PTPRQ: variants seen among roughly 807,000 people sequenced by gnomAD.
The protein encoded by PTPRQ is protein tyrosine phosphatase receptor type Q.
PTPRQ carries 199 observed loss-of-function variants against 246.0 expected under a neutral mutation model. That is an observed-to-expected ratio of 0.81 (90% CI 0.72 to 0.91). PTPRQ has a LOEUF of 0.91. Ranked by LOEUF, PTPRQ falls within the 40% of genes least tolerant of loss-of-function variation. The pLI is 0.00. For missense variants in PTPRQ, 2,624 were observed against 2,528.4 expected, an observed-to-expected ratio of 1.04 and a Z score of -0.81; for synonymous variants, 869 against 853.2, an observed-to-expected ratio of 1.02 and a Z score of -0.32.
rs1239958128 is a variant in PTPRQ, at chr12:80,472,087, A to G, written c.1040-18A>G. 6 of 1,550,830 alleles carry G rather than the reference A, an allele frequency of 3.9e-6. No individual in the cohort carries two copies. The highest frequency in any genetic ancestry group is 5.2e-6 in the Non-Finnish European group (6 of 1,146,728). On this transcript the variant is annotated intron_variant, in intron 7 of 44. Coordinates refer to ENST00000644991, the MANE Select transcript of PTPRQ (RefSeq NM_001145026.2). ...GCTTGATAAAAAATAATCCATAGCT[A>G]TCTTCCACTTTTTGCAGGTCGCATT...
chr12:80,663,487 C>T (rs1307274014), intron 39 of PTPRQ, among the ~76,000 whole-genome samples: 2 of 151,850 alleles, frequency 1.3e-5, no homozygotes, highest in African/African-American at 4.8e-5. Flanking sequence ...TATCCCTCTG[C>T]CCTAAAATTG....
At chr12:80,637,469 T>C (rs946681600) in intron 35 of PTPRQ, among the ~76,000 whole-genome samples, 4 of 152,248 alleles carry the variant, frequency 2.6e-5, no homozygotes, top group Non-Finnish European at 5.9e-5. Flanking sequence ...CCCATGATAA[T>C]AGCAAAATTG....
At chr12:80,598,388 G>A (rs1304481538) in intron 26 of PTPRQ, among the ~76,000 whole-genome samples, 1 of 151,982 alleles carries the variant, frequency 6.6e-6, no homozygotes, top group African/African-American at 2.4e-5. Flanking sequence ...GTTTTAACCA[G>A]TGGACAGGAA....
In PTPRQ at chr12:80,542,171, G is replaced by A. The variant is rs927134968; in HGVS notation, c.3528G>A (p.Lys1176=). 6 of 1,550,910 alleles carry A rather than the reference G, an allele frequency of 3.9e-6. No individual in the cohort carries two copies. The highest frequency in any genetic ancestry group is 4.4e-6 in the Non-Finnish European group (5 of 1,146,608). The stretch of plus-strand genomic sequence containing the variant: ...TCTTATCATGGGATCCCCCAGTAAA[G>A]CCAAATGGTGCAATAATAAGTTATG... ...SVLLSWDPPV[K]PNGAIISYDL... is the part of the protein sequence containing the mutation. Residue 1176 remains lysine, a synonymous_variant, in exon 22 of 45, where the codon AAG becomes AAA. Coordinates refer to ENST00000644991, the MANE Select transcript of PTPRQ (RefSeq NM_001145026.2).
In PTPRQ at chr12:80,472,107, C is replaced by G. The variant is rs112718610; in HGVS notation, c.1042C>G (p.Arg348Gly). ...TAGCTATCTTCCACTTTTTGCAGGT[C>G]GCATTTTGGATAACAGCACAAAAGA... is the stretch of plus-strand genomic sequence containing the variant. Reference protein sequence around the residue: ...YRVELYGPSGRILDNSTKDLK... With the variant: ...YRVELYGPSGGILDNSTKDLK... Residue 348 changes from arginine to glycine, a missense_variant and splice_region_variant, in exon 8 of 45, where the codon CGC becomes GGC. Arg to Gly is a moderately radical substitution (Grantham distance 125). Transcript: ENST00000644991. The G allele has an allele frequency of 6.5e-7, 1 of 1,549,726 alleles. No homozygotes were observed. Among genetic ancestry groups the G allele is most frequent in the Non-Finnish European group, 8.7e-7 (1 of 1,146,464 alleles).
intron 1 of PTPRQ, 100 bp from the exon 2 acceptor site, chr12:80,444,641 T>C (rs949838062): frequency 1.2e-5 from 10 of 841,754 alleles, no homozygotes; most frequent in African/African-American, 1.0e-4. Context: ...TGCAGAGTTA[T>C]ATAGTGAAGA....
At chr12:80,621,358 CAAAT>C (rs1486238260) in intron 32 of PTPRQ, among the ~76,000 whole-genome samples, 1 of 151,828 alleles carries the variant, frequency 6.6e-6, no homozygotes, top group Non-Finnish European at 1.5e-5. Context: ...CTTCATATAA[CAAAT>C]AAAATCATAA....
chr12:80,552,632 T>TA (rs67006550), intron 25 of PTPRQ, among the ~76,000 whole-genome samples: 1 of 88,462 alleles, frequency 1.1e-5, no homozygotes, highest in African/African-American at 4.4e-5. Flanking sequence ...CAGGTCTTTG[T>TA]AAAAAAAAAA....
At chr12:80,651,396 C>G (rs949561811) in intron 37 of PTPRQ, among the ~76,000 whole-genome samples, 3 of 151,936 alleles carry the variant, frequency 2.0e-5, no homozygotes, top group African/African-American at 7.2e-5. Flanking sequence ...AAAAAGGTGT[C>G]TTTCAGGATG....
intron 35 of PTPRQ, among the ~76,000 whole-genome samples, chr12:80,635,641 G>T (rs538981455): frequency 2.0e-5 from 3 of 151,458 alleles, no homozygotes; most frequent in East Asian, 3.9e-4. Context: ...ATGTTTCATT[G>T]GTACCTATTG....
intron 4 of PTPRQ, 145 bp downstream of exon 4, chr12:80,457,789 T>G (rs1893025454): frequency 2.5e-6 from 1 of 392,968 alleles, no homozygotes; most frequent in Non-Finnish European, 4.5e-6. Flanking sequence ...TTCTTTCGGA[T>G]AGCTAATTTA....
intron 25 of PTPRQ, among the ~76,000 whole-genome samples, chr12:80,562,340 GT>G: frequency 6.6e-6 from 1 of 152,136 alleles, no homozygotes; most frequent in East Asian, 1.9e-4. Context: ...AACAGATTGT[GT>G]GGAAATGGTA....
chr12:80,444,413 A>G lies in PTPRQ; in HGVS notation c.54+14A>G. 7.1e-7 allele frequency: 1 copy of G among 1,400,040 alleles called. No individual in the cohort carries two copies. The highest frequency in any genetic ancestry group is 9.9e-7 in the Non-Finnish European group (1 of 1,012,602). 86.7% of individuals were successfully genotyped at this position (1,400,040 alleles called of 1,614,324 possible). On this transcript the variant is annotated intron_variant, in intron 1 of 44. Transcript: ENST00000644991. ...TCAGAGACACAGGTATTTCGTATAC[A>G]CTCTTTAAAAACAAGGGCTAAGTCA...
chr12:80,647,458 T>C (rs573403236), intron 35 of PTPRQ, among the ~76,000 whole-genome samples: 1 of 152,238 alleles, frequency 6.6e-6, no homozygotes, highest in South Asian at 2.1e-4. Context: ...CAACAAGTTA[T>C]CTTAAGGGAG....
intron 14 of PTPRQ, among the ~76,000 whole-genome samples, chr12:80,504,573 C>T (rs1264922204): frequency 6.6e-6 from 1 of 151,488 alleles, no homozygotes; most frequent in Middle Eastern, 3.2e-3. Flanking sequence ...GTGTGTTTAG[C>T]GATTTTATCA....
chr12:80,671,141 T>G (rs527316747), intron 42 of PTPRQ, among the ~76,000 whole-genome samples: 1 of 152,090 alleles, frequency 6.6e-6, no homozygotes, highest in Admixed American at 6.6e-5. Context: ...TTTAAATGAT[T>G]ATACATTTTC....
At chr12:80,559,040 T>C (rs2120910168) in intron 25 of PTPRQ, among the ~76,000 whole-genome samples, 1 of 152,238 alleles carries the variant, frequency 6.6e-6, no homozygotes, top group East Asian at 1.9e-4. Flanking sequence ...GCTTGTCTTT[T>C]CTTTTCTTTC....
At chr12:80,481,444 A>G (rs1434454496) in intron 8 of PTPRQ, among the ~76,000 whole-genome samples, 5 of 152,170 alleles carry the variant, frequency 3.3e-5, no homozygotes, top group African/African-American at 4.8e-5. Context: ...AACTGGAAGC[A>G]TTCCCTTTGA....
chr12:80,479,904 A>C (rs1276304825), intron 8 of PTPRQ, among the ~76,000 whole-genome samples: 1 of 151,368 alleles, frequency 6.6e-6, no homozygotes, highest in Non-Finnish European at 1.5e-5. Context: ...AGAGACTTAG[A>C]CTCCCACACA....
Sources: allele counts gnomAD v4.1 joint callset (sites outside exome capture counted in the v4.1 genomes callset), GRCh38; gene constraint gnomAD v4.1.1; transcripts MANE v1.5; gene names NCBI Gene and HGNC (gene_info 2026-07-23, HGNC 2026-07-21).